ZFHX3: variants seen among roughly 807,000 people sequenced by gnomAD.
The protein encoded by ZFHX3 is zinc finger homeobox protein 3.
In ZFHX3, 42 loss-of-function variants were observed where a neutral mutation model predicts 279.1. That is an observed-to-expected ratio of 0.15 (90% CI 0.12 to 0.19). The LOEUF is 0.19. Ranked by LOEUF, ZFHX3 falls within the 10% of genes least tolerant of loss-of-function variation. ZFHX3 has a pLI of 1.00. For missense variants in ZFHX3, 4,981 were observed against 4,754.0 expected (o/e 1.05, Z -1.40); for synonymous variants, 2,293 against 1,957.8 (o/e 1.17, Z -4.52).
intron 5 of ZFHX3, among the ~76,000 whole-genome samples, chr16:73,236,097 G>A (rs7500653): frequency 0.09 from 13,765 of 152,248 alleles, 1,020 homozygotes; most frequent in East Asian, 0.45. Context: ...CAGGTGTTTT[G>A]GCTTTTATTC....
intron 2 of ZFHX3, among the ~76,000 whole-genome samples, chr16:73,502,322 G>A (rs825851): frequency 6.6e-6 from 1 of 152,026 alleles, no homozygotes; most frequent in Non-Finnish European, 1.5e-5. Flanking sequence ...AAAGGTATTG[G>A]TTAAGAAACT....
At chr16:73,209,834 T>C (rs1369935383) in intron 5 of ZFHX3, among the ~76,000 whole-genome samples, 1 of 152,198 alleles carries the variant, frequency 6.6e-6, no homozygotes, top group Non-Finnish European at 1.5e-5. Context: ...TTTATGTTAA[T>C]ATGGAAATTG....
At chr16:72,990,330 A>G (rs1162536288) in intron 1 of ZFHX3, among the ~76,000 whole-genome samples, 1 of 151,082 alleles carries the variant, frequency 6.6e-6, no homozygotes, top group African/African-American at 2.5e-5. Context: ...GAGAGAGAAC[A>G]CAGAGTTTCG....
intron 1 of ZFHX3, among the ~76,000 whole-genome samples, chr16:73,037,019 T>C (rs1964931558): frequency 6.6e-6 from 1 of 151,944 alleles, no homozygotes; most frequent in Non-Finnish European, 1.5e-5. Flanking sequence ...TCATCCTTAC[T>C]GCTGCGCAAA....
intron 1 of ZFHX3, among the ~76,000 whole-genome samples, chr16:73,742,734 G>C (rs2053670336): frequency 6.6e-6 from 1 of 152,296 alleles, no homozygotes; most frequent in East Asian, 1.9e-4. Flanking sequence ...GGAAGAATCA[G>C]GGTTCCCCTT....
intron 5 of ZFHX3, among the ~76,000 whole-genome samples, chr16:73,182,286 A>G (rs1318528925): frequency 6.6e-6 from 1 of 152,160 alleles, no homozygotes; most frequent in Non-Finnish European, 1.5e-5. Context: ...GTGAAACCCC[A>G]TCTCTACTAA....
intron 8 of ZFHX3, among the ~76,000 whole-genome samples, chr16:73,071,464 T>C (rs904713385): frequency 2.0e-5 from 3 of 150,376 alleles, no homozygotes; most frequent in Middle Eastern, 3.4e-3. Context: ...TCTCTGCTGC[T>C]GCTGCTGCTG....
At chr16:73,430,405 T>C (rs2017889835) in intron 3 of ZFHX3, among the ~76,000 whole-genome samples, 1 of 152,208 alleles carries the variant, frequency 6.6e-6, no homozygotes, top group African/African-American at 2.4e-5. Context: ...CCACTAAACC[T>C]GGCAAAGCTA....
intron 7 of ZFHX3, among the ~76,000 whole-genome samples, chr16:73,106,412 G>A (rs1316561317): frequency 6.6e-6 from 1 of 152,046 alleles, no homozygotes; most frequent in Non-Finnish European, 1.5e-5. Flanking sequence ...TGAGAACCCA[G>A]GATTACACAA....
intron 4 of ZFHX3, among the ~76,000 whole-genome samples, chr16:72,831,363 G>C (rs2037056064): frequency 6.6e-6 from 1 of 151,950 alleles, no homozygotes; most frequent in Middle Eastern, 3.2e-3. Flanking sequence ...GGGAATACAG[G>C]TGAAATACGG....
chr16:73,843,534 A>G (rs1018886427), intron 1 of ZFHX3, among the ~76,000 whole-genome samples: 1 of 152,236 alleles, frequency 6.6e-6, no homozygotes, highest in Non-Finnish European at 1.5e-5. Context: ...TGGAAGTCTT[A>G]TGCAAACCAA....
intron 1 of ZFHX3, among the ~76,000 whole-genome samples, chr16:73,717,349 C>T (rs534538133): frequency 6.6e-4 from 101 of 152,256 alleles, no homozygotes; most frequent in Non-Finnish European, 1.0e-3. Flanking sequence ...CAGAGACCAC[C>T]GATTCCCATT....
chr16:72,788,089 G>GGCTGCTGCTGCTGCACTTTTTGCT lies in ZFHX3; in HGVS notation c.10163_10186dup (p.Gln3388_Gln3395dup), dbSNP rs780585284. The GGCTGCTGCTGCTGCACTTTTTGCT allele has an allele frequency of 2.5e-6, 4 of 1,611,718 alleles. No individual in the cohort carries two copies. The highest frequency in any genetic ancestry group is 1.3e-5 in the African/African-American group (1 of 74,864). On this transcript the variant is annotated inframe_insertion, in exon 10 of 10. Coordinates refer to ENST00000268489, the MANE Select transcript of ZFHX3 (RefSeq NM_006885.4). ...GGGGACTGGGGTTTGGCTTGCTTTG[G>GGCTGCTGCTGCTGCACTTTTTGCT]GCTGCTGCTGCTGCACTTTTTGCTG...
chr16:73,718,179 A>AG (rs1486081620), intron 1 of ZFHX3, among the ~76,000 whole-genome samples: 1 of 152,176 alleles, frequency 6.6e-6, no homozygotes, highest in South Asian at 2.1e-4. Flanking sequence ...GGGAAGCCAA[A>AG]GGGGGTAGAT....
intron 1 of ZFHX3, among the ~76,000 whole-genome samples, chr16:73,058,138 A>G (rs1350407569): frequency 7.4e-6 from 1 of 134,452 alleles, no homozygotes; most frequent in Non-Finnish European, 1.6e-5. Flanking sequence ...GCGCCTCCAA[A>G]CTCGCCGCGC....
intron 5 of ZFHX3, among the ~76,000 whole-genome samples, chr16:73,179,477 A>G (rs1967742883): frequency 6.6e-6 from 1 of 152,204 alleles, no homozygotes; most frequent in Non-Finnish European, 1.5e-5. Context: ...TGCCCAAAGA[A>G]TGTTACAAAT....
At chr16:73,580,776 C>T (rs1437734044) in intron 2 of ZFHX3, among the ~76,000 whole-genome samples, 1 of 151,762 alleles carries the variant, frequency 6.6e-6, no homozygotes. Context: ...TAATGTATTT[C>T]CACTCCTTAT....
chr16:73,082,187 G>A (rs1965955464), intron 8 of ZFHX3, among the ~76,000 whole-genome samples: 1 of 151,812 alleles, frequency 6.6e-6, no homozygotes, highest in Non-Finnish European at 1.5e-5. Context: ...TGAACTCTGA[G>A]CTTTTATCTT....
At chr16:73,616,248 T>C (rs1348084381) in intron 2 of ZFHX3, among the ~76,000 whole-genome samples, 1 of 151,328 alleles carries the variant, frequency 6.6e-6, no homozygotes, top group Non-Finnish European at 1.5e-5. Context: ...TGATGAGCTT[T>C]TGGGTAACAA....
Sources: gnomAD v4.1 joint callset for allele counts (sites outside exome capture counted in the v4.1 genomes callset) on GRCh38, gnomAD v4.1.1 for gene constraint, MANE v1.5 for transcripts, NCBI Gene and HGNC (gene_info 2026-07-23, HGNC 2026-07-21) for gene names.